IKZF2: variants seen among roughly 807,000 people sequenced by gnomAD.
IKZF2 encodes IKAROS family zinc finger 2.
In IKZF2, 15 loss-of-function variants were observed where a neutral mutation model predicts 49.2. The observed-to-expected ratio is 0.30, with a 90% CI of 0.20 to 0.47. IKZF2 has a LOEUF of 0.47. Among genes scored for constraint, IKZF2 ranks in the 20% least tolerant of loss-of-function variants. The pLI is 1.00. For missense variants in IKZF2, 567 were observed against 664.6 expected (o/e 0.85, Z 1.61); for synonymous variants, 227 against 221.4 (o/e 1.03, Z -0.23).
chr2:213,141,226 C>T (rs2060856198), intron 4 of IKZF2, among the ~76,000 whole-genome samples: 1 of 151,960 alleles, frequency 6.6e-6, no homozygotes, highest in South Asian at 2.1e-4. Flanking sequence ...TATCCCACTA[C>T]TGCTAGCTTG....
chr2:213,110,142 CA>C (rs1439585970), intron 4 of IKZF2, among the ~76,000 whole-genome samples: 4 of 151,878 alleles, frequency 2.6e-5, no homozygotes, highest in African/African-American at 9.6e-5. Flanking sequence ...AATATTTTCT[CA>C]AAAAAACTAA....
In IKZF2 at chr2:213,095,627, T is replaced by C. The variant is rs537069743; in HGVS notation, c.140-38528A>G. ...CATAAACATTTTAAAGATTAAAATATGTTTTTGTAAAAATATGTCTTTCAA... is the reference window on the plus strand; with the variant it reads ...CATAAACATTTTAAAGATTAAAATACGTTTTTGTAAAAATATGTCTTTCAA... On this transcript the variant is annotated intron_variant, in intron 4 of 8. Coordinates refer to ENST00000434687, the MANE Select transcript of IKZF2 (RefSeq NM_001387220.1). Among the ~76,000 whole-genome samples the C allele has an allele frequency of 2.0e-5, 3 of 152,220 alleles. No individual in the cohort carries two copies. The East Asian group carries it at 5.8e-4, about 29-fold the overall frequency.
chr2:213,026,693 C>T (rs1574527669), intron 6 of IKZF2, among the ~76,000 whole-genome samples: 1 of 151,670 alleles, frequency 6.6e-6, no homozygotes, highest in East Asian at 1.9e-4. Flanking sequence ...CTGTATTATC[C>T]TCTTGCATTT....
At chr2:213,029,175 A>C (rs1175913740) in intron 6 of IKZF2, among the ~76,000 whole-genome samples, 1 of 152,002 alleles carries the variant, frequency 6.6e-6, no homozygotes, top group Non-Finnish European at 1.5e-5. Context: ...GCTGAATATA[A>C]TAATTTGTTT....
intron 4 of IKZF2, among the ~76,000 whole-genome samples, chr2:213,117,200 A>G (rs2059907039): frequency 6.6e-6 from 1 of 152,196 alleles, no homozygotes; most frequent in Non-Finnish European, 1.5e-5. Flanking sequence ...CTGTCATTCA[A>G]CACTGCCTCT....
intron 6 of IKZF2, among the ~76,000 whole-genome samples, chr2:213,045,403 T>C (rs1203395589): frequency 6.6e-6 from 1 of 152,212 alleles, no homozygotes; most frequent in Non-Finnish European, 1.5e-5. Context: ...ACAAAGATAA[T>C]CAGAAGCAGT....
intron 4 of IKZF2, among the ~76,000 whole-genome samples, chr2:213,060,279 T>G (rs1220489315): frequency 6.6e-6 from 1 of 151,362 alleles, no homozygotes; most frequent in Non-Finnish European, 1.5e-5. Context: ...TATTAATGAT[T>G]AAATGTAAGT....
intron 4 of IKZF2, among the ~76,000 whole-genome samples, chr2:213,060,728 G>C (rs1034940420): frequency 1.3e-5 from 2 of 151,304 alleles, no homozygotes; most frequent in African/African-American, 4.8e-5. Context: ...AATGAAAAGG[G>C]GATATGAGAC....
intron 4 of IKZF2, among the ~76,000 whole-genome samples, chr2:213,091,693 G>A (rs1366246893): frequency 2.0e-5 from 3 of 152,186 alleles, no homozygotes; most frequent in Admixed American, 2.0e-4. Flanking sequence ...TATGAAAGAT[G>A]TGGGATCAAA....
chr2:213,131,931 A>C (rs946685141), intron 4 of IKZF2, among the ~76,000 whole-genome samples: 1 of 152,208 alleles, frequency 6.6e-6, no homozygotes, highest in Non-Finnish European at 1.5e-5. Flanking sequence ...AATAAACAGC[A>C]AATCTTCTTA....
At chr2:213,077,172 A>G (rs1703364291) in intron 4 of IKZF2, among the ~76,000 whole-genome samples, 1 of 152,222 alleles carries the variant, frequency 6.6e-6, no homozygotes. Flanking sequence ...CTACATTTAC[A>G]GAATTCTAAC....
chr2:213,060,193 C>T (rs1701547666), intron 4 of IKZF2, among the ~76,000 whole-genome samples: 1 of 151,234 alleles, frequency 6.6e-6, no homozygotes, highest in African/African-American at 2.4e-5. Context: ...TTTCTCCACT[C>T]ATAGAAACTC....
intron 4 of IKZF2, among the ~76,000 whole-genome samples, chr2:213,119,771 C>A (rs1470775487): frequency 1.3e-5 from 2 of 152,150 alleles, no homozygotes; most frequent in African/African-American, 4.8e-5. Flanking sequence ...TGGATCCCTA[C>A]CACATCCTGT....
At chr2:213,009,594 T>C (rs1038839515) in intron 8 of IKZF2, among the ~76,000 whole-genome samples, 6 of 152,200 alleles carry the variant, frequency 3.9e-5, no homozygotes, top group Middle Eastern at 6.8e-3. Flanking sequence ...AATTATTTCA[T>C]GGCACTCAAC....
At chr2:213,083,819 G>C (rs1166250170) in intron 4 of IKZF2, among the ~76,000 whole-genome samples, 1 of 150,944 alleles carries the variant, frequency 6.6e-6, no homozygotes, top group East Asian at 1.9e-4. Context: ...GACTATCTGG[G>C]ACTATCTAGT....
intron 1 of IKZF2, among the ~76,000 whole-genome samples, chr2:213,151,082 A>G (rs2061268634): frequency 6.6e-6 from 1 of 152,078 alleles, no homozygotes; most frequent in Non-Finnish European, 1.5e-5. Context: ...ACATCCCAGA[A>G]ACAGATTACA....
intron 4 of IKZF2, among the ~76,000 whole-genome samples, chr2:213,130,153 G>T (rs1218432494): frequency 6.6e-6 from 1 of 152,064 alleles, no homozygotes; most frequent in Non-Finnish European, 1.5e-5. Flanking sequence ...TCTATCAAAA[G>T]CTTCTAGTTT....
In IKZF2 at chr2:213,072,977, A is replaced by G. The variant is rs74839614; in HGVS notation, c.140-15878T>C. ...AATGTTTCCCTTTTTCATTCATTTA[A>G]TAATGCATAAATTCAGTAAATATTC... On this transcript the variant is annotated intron_variant, in intron 4 of 8. Transcript: ENST00000434687. Among the ~76,000 whole-genome samples the G allele has an allele frequency of 2.9e-3, 435 of 152,278 alleles. 2 individuals are homozygous for G. Among genetic ancestry groups the G allele is most frequent in the Non-Finnish European group, 4.9e-3 (335 of 67,996 alleles).
chr2:213,079,888 T>A (rs554007632), intron 4 of IKZF2, among the ~76,000 whole-genome samples: 1 of 152,216 alleles, frequency 6.6e-6, no homozygotes. Flanking sequence ...ACTTTGTATT[T>A]GCTTTCCTAT....
Sources: gnomAD v4.1 joint callset for allele counts (sites outside exome capture counted in the v4.1 genomes callset) on GRCh38, gnomAD v4.1.1 for gene constraint, MANE v1.5 for transcripts, NCBI Gene and HGNC (gene_info 2026-07-23, HGNC 2026-07-21) for gene names.